Variants in TEX36 observed in about 807,000 individuals in gnomAD.
TEX36 encodes the protein testis-expressed protein 36.
A neutral mutation model predicts 13.6 loss-of-function variants in TEX36; 12 were observed. The ratio of observed to expected loss-of-function variants is 0.88; its 90% CI spans 0.56 to 1.43. The LOEUF (loss-of-function observed/expected upper bound fraction) is 1.43. Ranked by LOEUF, TEX36 falls within the 40% of genes most tolerant of loss-of-function variation. TEX36 has a pLI of 0.00. For missense variants in TEX36, 224 were observed against 228.3 expected (o/e 0.98, Z 0.12); for synonymous variants, 93 against 83.0 (o/e 1.12, Z -0.65).
At chr10:125,615,858 G>A (rs1846350595) in intron 3 of TEX36, among the ~76,000 whole-genome samples, 1 of 152,146 alleles carries the variant, frequency 6.6e-6, no homozygotes, top group Non-Finnish European at 1.5e-5. Flanking sequence ...AGAAGGAAAG[G>A]TACCAGTTCC....
chr10:125,627,485 T>G (rs542638858), intron 3 of TEX36, among the ~76,000 whole-genome samples: 1 of 152,320 alleles, frequency 6.6e-6, no homozygotes, highest in Non-Finnish European at 1.5e-5. Flanking sequence ...AAAAAAAATC[T>G]ATTAACTTAA....
chr10:125,637,238 A>C (rs949107497), intron 3 of TEX36, among the ~76,000 whole-genome samples: 1 of 151,712 alleles, frequency 6.6e-6, no homozygotes, highest in African/African-American at 2.4e-5. Flanking sequence ...GAGCCTGAGA[A>C]GTCGAGGCTG....
chr10:125,588,037 C>A (rs914628953), intron 3 of TEX36, among the ~76,000 whole-genome samples: 4 of 152,174 alleles, frequency 2.6e-5, no homozygotes, highest in Non-Finnish European at 4.4e-5. Flanking sequence ...TGGTGACTGG[C>A]ATTTAGAATG....
At chr10:125,622,112 A>G (rs1846435007) in intron 3 of TEX36, among the ~76,000 whole-genome samples, 1 of 152,172 alleles carries the variant, frequency 6.6e-6, no homozygotes, top group African/African-American at 2.4e-5. Flanking sequence ...AAGTCTACCC[A>G]TTGTCAACTG....
At chr10:125,615,258 A>G (rs1334799133) in intron 3 of TEX36, among the ~76,000 whole-genome samples, 2 of 151,788 alleles carry the variant, frequency 1.3e-5, no homozygotes, top group Admixed American at 6.6e-5. Flanking sequence ...TCTTTTCCTA[A>G]TTGAATACCC....
At chr10:125,591,248 G>A (rs889474213) in intron 3 of TEX36, among the ~76,000 whole-genome samples, 1 of 152,220 alleles carries the variant, frequency 6.6e-6, no homozygotes, top group African/African-American at 2.4e-5. Flanking sequence ...CATTCAATGA[G>A]CGTTTGATGT....
chr10:125,633,696 G>C (rs1273880013), intron 3 of TEX36, among the ~76,000 whole-genome samples: 1 of 152,100 alleles, frequency 6.6e-6, no homozygotes, highest in Non-Finnish European at 1.5e-5. Context: ...AATTTGATAC[G>C]AGGTGCTGCT....
intron 3 of TEX36, among the ~76,000 whole-genome samples, chr10:125,650,648 T>C (rs1444158029): frequency 1.3e-5 from 2 of 151,382 alleles, no homozygotes; most frequent in South Asian, 2.1e-4. Flanking sequence ...ATAACTAAGA[T>C]CAGAGCAGAA....
chr10:125,646,069 C>T (rs542430788), intron 3 of TEX36, among the ~76,000 whole-genome samples: 135 of 152,242 alleles, frequency 8.9e-4, no homozygotes, highest in Non-Finnish European at 1.5e-3. Context: ...AGGCTCACAC[C>T]GATAATCCCA....
intron 1 of TEX36, among the ~76,000 whole-genome samples, chr10:125,675,869 T>G (rs1209485106): frequency 6.6e-6 from 1 of 152,220 alleles, no homozygotes; most frequent in Admixed American, 6.5e-5. Flanking sequence ...AATTTCTTCA[T>G]TGACCCAGGG....
intron 3 of TEX36, among the ~76,000 whole-genome samples, chr10:125,593,738 A>C (rs1846049263): frequency 6.6e-6 from 1 of 152,170 alleles, no homozygotes; most frequent in South Asian, 2.1e-4. Flanking sequence ...AGTAGAAGAG[A>C]GGTTACCTGG....
chr10:125,667,738 G>A, intron 1 of TEX36: 1 of 799,414 alleles, frequency 1.3e-6, no homozygotes, highest in Non-Finnish European at 2.2e-6. Flanking sequence ...CGATGCAGGG[G>A]TTCACGCAGT....
At chr10:125,581,029 C>A (rs1589738287) in intron 3 of TEX36, among the ~76,000 whole-genome samples, 1 of 152,276 alleles carries the variant, frequency 6.6e-6, no homozygotes, top group East Asian at 1.9e-4. Context: ...GACATTTGTG[C>A]TCAGAGTAGA....
chr10:125,600,253 GA>G (rs1846129564), intron 3 of TEX36, among the ~76,000 whole-genome samples: 1 of 152,192 alleles, frequency 6.6e-6, no homozygotes, highest in Admixed American at 6.5e-5. Flanking sequence ...CTGCGGGGAT[GA>G]ATCACAAGTT....
rs180738758 is a variant in TEX36 at position 125,608,381 on chromosome 10, T to A, written c.265-31507A>T. 2.1e-3 allele frequency among the ~76,000 whole-genome samples: 326 copies of A among 152,356 alleles called. 2 individuals carry two copies. The highest frequency in any genetic ancestry group is 7.6e-3 in the African/African-American group (315 of 41,592). ...AAATATAAATTGTAACTTAGTAAAC[T>A]GACTGTTACAATTAAACAAAAAACT... On this transcript the variant is annotated intron_variant, in intron 3 of 3. Coordinates refer to the TEX36 transcript ENST00000532135.
chr10:125,674,055 C>G (rs1847275810), intron 1 of TEX36, among the ~76,000 whole-genome samples: 2 of 152,166 alleles, frequency 1.3e-5, no homozygotes, highest in African/African-American at 2.4e-5. Flanking sequence ...TCAGTTACCC[C>G]AATCAGTCAT....
intron 3 of TEX36, among the ~76,000 whole-genome samples, chr10:125,613,728 C>T (rs1267353930): frequency 6.6e-6 from 1 of 151,920 alleles, no homozygotes; most frequent in Non-Finnish European, 1.5e-5. Context: ...GCGAATAGTG[C>T]CGCAATAAAC....
chr10:125,594,938 T>C (rs540435508), intron 3 of TEX36, among the ~76,000 whole-genome samples: 17 of 152,258 alleles, frequency 1.1e-4, no homozygotes, highest in South Asian at 8.3e-4. Flanking sequence ...TCTGGCAAGA[T>C]TGATTGAAGA....
intron 3 of TEX36, among the ~76,000 whole-genome samples, chr10:125,632,107 G>A (rs1162964286): frequency 2.0e-5 from 3 of 152,110 alleles, no homozygotes; most frequent in Admixed American, 2.0e-4. Flanking sequence ...ATGGCAGGGT[G>A]TGGGCAAGGG....
Sources: allele counts gnomAD v4.1 joint callset (sites outside exome capture counted in the v4.1 genomes callset), GRCh38; gene constraint gnomAD v4.1.1; transcripts MANE v1.5; gene names NCBI Gene and HGNC (gene_info 2026-07-23, HGNC 2026-07-21).